Variants in SLC35F4 observed in about 807,000 individuals in gnomAD.
SLC35F4 encodes solute carrier family 35 member F4.
Under a neutral mutation model 44.2 loss-of-function variants are expected in SLC35F4, and 24 were observed. The ratio of observed to expected loss-of-function variants is 0.54; its 90% CI spans 0.39 to 0.76. SLC35F4 has a LOEUF of 0.76. SLC35F4 is among the 30% of genes least tolerant of loss of function. The probability of loss-of-function intolerance (pLI) is 0.00; values close to 1 mark genes in which losing one functional copy is unlikely to be tolerated. For synonymous variants in SLC35F4, 238 were observed against 223.6 expected (o/e 1.06, Z -0.57); for missense variants, 562 against 586.1 (o/e 0.96, Z 0.42).
At chr14:57,882,403 T>C (rs1280935957) in intron 1 of SLC35F4, among the ~76,000 whole-genome samples, 1 of 152,184 alleles carries the variant, frequency 6.6e-6, no homozygotes, top group Non-Finnish European at 1.5e-5. Flanking sequence ...ACACCTGTCC[T>C]AGCTTTGCAC....
Position 57,943,953 on chromosome 14 carries a change from C to A in SLC35F4, n.282+37960G>T, listed in dbSNP as rs546841194. Among the ~76,000 whole-genome samples the A allele has an allele frequency of 2.9e-3, 434 of 152,218 alleles. 5 individuals carry two copies. The highest frequency in any genetic ancestry group is 9.9e-3 in the African/African-American group (410 of 41,536). On this transcript the variant is annotated intron_variant and non_coding_transcript_variant, in intron 1 of 1. Transcript: ENST00000556568. ...TTGTTTCTGCTTTTCTGGACCACGCCAATGGGAGAGATGACAGGCAGCTAT... is the reference window on the plus strand; with the variant it reads ...TTGTTTCTGCTTTTCTGGACCACGCAAATGGGAGAGATGACAGGCAGCTAT...
At chr14:57,931,619 C>T (rs891303621) in intron 1 of SLC35F4, among the ~76,000 whole-genome samples, 4 of 152,198 alleles carry the variant, frequency 2.6e-5, no homozygotes, top group Non-Finnish European at 5.9e-5. Flanking sequence ...CTGCATCAAA[C>T]AGATTGATAA....
intron 1 of SLC35F4, among the ~76,000 whole-genome samples, chr14:57,853,628 A>G (rs1360892915): frequency 6.6e-6 from 1 of 152,206 alleles, no homozygotes; most frequent in Non-Finnish European, 1.5e-5. Context: ...TTCTCGCTCA[A>G]TCTGTCTGCT....
chr14:57,667,213 G>A (rs1020195377), intron 1 of SLC35F4, among the ~76,000 whole-genome samples: 4 of 151,826 alleles, frequency 2.6e-5, no homozygotes, highest in Non-Finnish European at 5.9e-5. Context: ...GGAAGGGGAG[G>A]GAGGGAAGGA....
At chr14:57,954,205 A>T (rs1019976714) in intron 1 of SLC35F4, among the ~76,000 whole-genome samples, 6 of 152,350 alleles carry the variant, frequency 3.9e-5, no homozygotes, top group Middle Eastern at 3.4e-3. Flanking sequence ...TTAAAGCAGA[A>T]ATAAATAAGT....
chr14:57,880,742 G>A (rs544753176), intron 1 of SLC35F4, among the ~76,000 whole-genome samples: 5 of 152,276 alleles, frequency 3.3e-5, no homozygotes, highest in South Asian at 2.1e-4. Flanking sequence ...ATCTCATTGA[G>A]TGGTATTACC....
At chr14:57,936,000 T>C (rs1889787812) in intron 1 of SLC35F4, among the ~76,000 whole-genome samples, 2 of 152,200 alleles carry the variant, frequency 1.3e-5, no homozygotes, top group African/African-American at 4.8e-5. Context: ...GATCTAAATA[T>C]TATTAAATTT....
chr14:57,926,710 A>T (rs1955648), intron 1 of SLC35F4, among the ~76,000 whole-genome samples: 11,088 of 113,666 alleles, frequency 0.098, 483 homozygotes, highest in Middle Eastern at 0.16. Context: ...AAGGAATATA[A>T]CAATGAAGTA....
intron 1 of SLC35F4, among the ~76,000 whole-genome samples, chr14:57,929,555 A>G (rs1261620118): frequency 6.6e-6 from 1 of 152,098 alleles, no homozygotes; most frequent in Non-Finnish European, 1.5e-5. Context: ...TTTTGTATCT[A>G]ACCTTTACAA....
chr14:57,634,886 C>T (rs1182231495), intron 1 of SLC35F4, among the ~76,000 whole-genome samples: 13 of 151,948 alleles, frequency 8.6e-5, no homozygotes, highest in Non-Finnish European at 1.8e-4. Context: ...TGGAGACAGA[C>T]CTAACAAGCC....
In SLC35F4 at chr14:57,822,837, T is replaced by C. The variant is rs147573701; in HGVS notation, c.103+42886A>G. On this transcript the variant is annotated intron_variant, in intron 1 of 7. Coordinates refer to ENST00000556826, the MANE Select transcript of SLC35F4 (RefSeq NM_001306087.2). The stretch of plus-strand genomic sequence containing the variant: ...CCACTCTTGTGGCTTTCTCCTCTTA[T>C]GTCACATTTCTAAAGGCTGGGGTGC... 6.2e-3 allele frequency among the ~76,000 whole-genome samples: 948 copies of C among 152,298 alleles called. 5 individuals carry two copies. Among genetic ancestry groups the C allele is most frequent in the Middle Eastern group, 0.031 (9 of 294 alleles).
rs34629068 is a variant in SLC35F4, at chr14:57,909,570, AC to A, written n.282+72342del. On this transcript the variant is annotated intron_variant and non_coding_transcript_variant, in intron 1 of 1. Transcript: ENST00000556568. ...CACACACACACACACACACACACAC[AC>A]ACACAAACACACAGATCGGTTTCTT... Among the ~76,000 whole-genome samples the A allele has an allele frequency of 1.5e-3, 228 of 151,112 alleles. 1 individual carries two copies. The Middle Eastern group carries it at 0.017, about 11-fold the overall frequency.
chr14:57,959,825 C>T (rs1890308152), intron 1 of SLC35F4, among the ~76,000 whole-genome samples: 1 of 152,178 alleles, frequency 6.6e-6, no homozygotes, highest in African/African-American at 2.4e-5. Flanking sequence ...ATGTCAGTTA[C>T]AATTGCTATG....
rs147084001 is a variant in SLC35F4, at chr14:57,839,794, C to G, written c.103+25929G>C. 1.1e-3 allele frequency among the ~76,000 whole-genome samples: 172 copies of G among 152,280 alleles called. 3 individuals carry two copies. Among genetic ancestry groups the G allele is most frequent in the East Asian group, 8.3e-3 (43 of 5,174 alleles). On this transcript the variant is annotated intron_variant, in intron 1 of 7. Coordinates refer to ENST00000556826, the MANE Select transcript of SLC35F4 (RefSeq NM_001306087.2). The stretch of plus-strand genomic sequence containing the variant: ...GAAAAAAATGTACATGCTCAGGACA[C>G]AGCTCCAGGGACCTGAATTGGAGCC...
At chr14:57,817,980 C>T (rs1882788463) in intron 1 of SLC35F4, among the ~76,000 whole-genome samples, 1 of 152,078 alleles carries the variant, frequency 6.6e-6, no homozygotes, top group African/African-American at 2.4e-5. Flanking sequence ...GAGAGGCATA[C>T]CAGACCCACT....
chr14:57,949,651 T>C lies in SLC35F4; in HGVS notation n.282+32262A>G, dbSNP rs115300088. On this transcript the variant is annotated intron_variant and non_coding_transcript_variant, in intron 1 of 1. Transcript: ENST00000556568. Reference sequence around the variant, plus strand: ...AGATTTAAGCTTTAAGAAGGTTCTATTTTGGTGTACTCTGAGGTTTTCTTT... The same window carrying C: ...AGATTTAAGCTTTAAGAAGGTTCTACTTTGGTGTACTCTGAGGTTTTCTTT... Among the ~76,000 whole-genome samples, 535 of 152,298 alleles carry C rather than the reference T, an allele frequency of 3.5e-3. 3 individuals carry two copies. Among genetic ancestry groups the C allele is most frequent in the African/African-American group, 0.012 (506 of 41,584 alleles).
intron 1 of SLC35F4, among the ~76,000 whole-genome samples, chr14:57,937,409 G>A (rs982560673): frequency 6.6e-6 from 1 of 151,992 alleles, no homozygotes; most frequent in Non-Finnish European, 1.5e-5. Context: ...TCTAGTCACA[G>A]TAGTCTCATT....
chr14:57,751,315 A>G (rs1327429002), intron 1 of SLC35F4, among the ~76,000 whole-genome samples: 1 of 152,192 alleles, frequency 6.6e-6, no homozygotes, highest in African/African-American at 2.4e-5. Flanking sequence ...AGTAGTAAGT[A>G]TCTCTACTTT....
At chr14:57,863,439 T>G (rs1398823312) in intron 1 of SLC35F4, among the ~76,000 whole-genome samples, 1 of 152,230 alleles carries the variant, frequency 6.6e-6, no homozygotes, top group African/African-American at 2.4e-5. Context: ...GTAAATGGCA[T>G]AGATATCTAG....
Sources: gnomAD v4.1 joint callset for allele counts (sites outside exome capture counted in the v4.1 genomes callset) on GRCh38, gnomAD v4.1.1 for gene constraint, MANE v1.5 for transcripts, NCBI Gene and HGNC (gene_info 2026-07-23, HGNC 2026-07-21) for gene names.